Variants in LHX8 observed in about 807,000 individuals in gnomAD.
LHX8 encodes the protein LIM/homeobox protein Lhx8.
In LHX8, 12 loss-of-function variants were observed where a neutral mutation model predicts 40.3. That is an observed-to-expected ratio of 0.30 (90% CI 0.19 to 0.48). LHX8 has a LOEUF of 0.48. Ranked by LOEUF, LHX8 falls within the 20% of genes least tolerant of loss-of-function variation. The pLI, the probability that LHX8 is intolerant of heterozygous loss-of-function variation, is 0.99. For synonymous variants in LHX8, 179 were observed against 162.0 expected (o/e 1.10, Z -0.80); for missense variants, 344 against 433.7 (o/e 0.79, Z 1.84).
At chr1:75,177,283 A>T in the LHX8 span, among the ~76,000 whole-genome samples, 1 of 152,030 alleles carries the variant, frequency 6.6e-6, no homozygotes, top group Non-Finnish European at 1.5e-5. Flanking sequence ...CATTTTCACG[A>T]TATTGATTCT....
chr1:75,140,851 A>G (rs150414579), intron 3 of LHX8, 134 bp from the exon 4 acceptor site: 1 of 864,184 alleles, frequency 1.2e-6, no homozygotes, highest in South Asian at 1.5e-5. Context: ...AAAAAAAATG[A>G]CATCTTTTGG....
chr1:75,160,508 G>A lies in LHX8; in HGVS notation c.965-311G>A, dbSNP rs1338514023. 8.2e-6 allele frequency: 3 copies of A among 364,176 alleles called. No homozygotes were observed. The East Asian group carries it at 1.7e-4, about 21-fold the overall frequency. 22.6% of individuals were successfully genotyped at this position (364,176 alleles called of 1,614,324 possible). A position where few individuals can be genotyped will look rare whatever the true frequency, so the allele number is the denominator to read the frequency against. On this transcript the variant is annotated intron_variant, in intron 8 of 8. Transcript: ENST00000356261. ...AAACACCTTCATGAGAAAGCTAGCAGCAGCATCTCTGAAGAGGAACCCATG... is the reference window on the plus strand; with the variant it reads ...AAACACCTTCATGAGAAAGCTAGCAACAGCATCTCTGAAGAGGAACCCATG...
chr1:75,171,521 C>T, the LHX8 span, among the ~76,000 whole-genome samples: 4 of 151,986 alleles, frequency 2.6e-5, no homozygotes, highest in African/African-American at 9.7e-5. Flanking sequence ...CCAATATACT[C>T]GGTGTTGCAG....
chr1:75,185,622 T>C, the LHX8 span, among the ~76,000 whole-genome samples: 1 of 152,178 alleles, frequency 6.6e-6, no homozygotes, highest in African/African-American at 2.4e-5. Context: ...GTATTCCTCT[T>C]GAAAACCAGT....
At chr1:75,197,686 T>A in the LHX8 span, among the ~76,000 whole-genome samples, 1 of 152,204 alleles carries the variant, frequency 6.6e-6, no homozygotes, top group South Asian at 2.1e-4. Flanking sequence ...AGCCATCTTG[T>A]TCTGTCTCAG....
chr1:75,129,105 T>C (rs374407837), intron 1 of LHX8, among the ~76,000 whole-genome samples: 4 of 152,360 alleles, frequency 2.6e-5, no homozygotes, highest in African/African-American at 7.2e-5. Context: ...AATTCAACAT[T>C]GTGATTTTTT....
the LHX8 span, among the ~76,000 whole-genome samples, chr1:75,171,611 T>A: frequency 6.6e-6 from 1 of 151,986 alleles, no homozygotes; most frequent in African/African-American, 2.4e-5. Context: ...AATAGGCATG[T>A]TCTCTGTGCC....
the LHX8 span, among the ~76,000 whole-genome samples, chr1:75,184,798 A>G: frequency 6.6e-6 from 1 of 151,624 alleles, no homozygotes; most frequent in Non-Finnish European, 1.5e-5. Flanking sequence ...AGACCATTCA[A>G]AAGATGAATA....
chr1:75,143,483 G>A (rs1648375639), intron 5 of LHX8, 145 bp downstream of exon 5: 1 of 641,870 alleles, frequency 1.6e-6, no homozygotes, highest in Admixed American at 2.9e-5. Flanking sequence ...TGTTTGTGAT[G>A]GTCTCTATTT....
At chr1:75,155,504 G>A (rs1648738878) in intron 7 of LHX8, among the ~76,000 whole-genome samples, 1 of 152,196 alleles carries the variant, frequency 6.6e-6, no homozygotes, top group East Asian at 1.9e-4. Flanking sequence ...AAAGTGCTGG[G>A]ATTACAGGAG....
intron 3 of LHX8, among the ~76,000 whole-genome samples, chr1:75,140,548 CA>C (rs1219952700): frequency 1.3e-5 from 2 of 151,762 alleles, no homozygotes; most frequent in African/African-American, 4.8e-5. Context: ...ATTGTTTAGC[CA>C]AAAAATAGGT....
intron 7 of LHX8, among the ~76,000 whole-genome samples, chr1:75,155,230 C>CTTTTTTTTTTTT: frequency 1.1e-5 from 1 of 94,366 alleles, no homozygotes; most frequent in Non-Finnish European, 2.0e-5. Flanking sequence ...GAAACACTCT[C>CTTTTTTTTTTTT]TTTTTTTTTT....
At chr1:75,134,209 T>C (rs1454427618), upstream of LHX8, among the ~76,000 whole-genome samples, 1 of 152,098 alleles carries the variant, frequency 6.6e-6, no homozygotes, top group Non-Finnish European at 1.5e-5. Context: ...CTGAAGTCAG[T>C]TGGCGTGTTC....
chr1:75,190,692 A>G, the LHX8 span, among the ~76,000 whole-genome samples: 1 of 152,208 alleles, frequency 6.6e-6, no homozygotes, highest in Non-Finnish European at 1.5e-5. Context: ...AATTAATTGT[A>G]TTAAACCATG....
intron 7 of LHX8, among the ~76,000 whole-genome samples, chr1:75,155,383 C>T (rs1043421383): frequency 1.6e-3 from 238 of 151,936 alleles, no homozygotes; most frequent in African/African-American, 4.9e-3. Context: ...TACAGGCACC[C>T]GCCACCATGC....
chr1:75,135,207 C>G (rs527558535), intron 1 of LHX8, among the ~76,000 whole-genome samples: 1 of 152,206 alleles, frequency 6.6e-6, no homozygotes, highest in Non-Finnish European at 1.5e-5. Flanking sequence ...AAACGAGTCA[C>G]GCGGTTTGTC....
the LHX8 span, among the ~76,000 whole-genome samples, chr1:75,181,804 G>A: frequency 0.11 from 17,419 of 152,106 alleles, 1,631 homozygotes; most frequent in African/African-American, 0.25. Context: ...GCTGCAGACC[G>A]GAGCTGTTCC....
At chr1:75,145,020 A>T (rs1648423301) in intron 6 of LHX8, among the ~76,000 whole-genome samples, 1 of 152,182 alleles carries the variant, frequency 6.6e-6, no homozygotes, top group South Asian at 2.1e-4. Context: ...GCACTCTAGC[A>T]TTAAAATCTA....
the LHX8 span, among the ~76,000 whole-genome samples, chr1:75,166,602 C>A: frequency 1.3e-5 from 2 of 152,152 alleles, no homozygotes; most frequent in Non-Finnish European, 2.9e-5. Context: ...TGGTTCTGAA[C>A]CACAAATTTC....
Sources: gnomAD v4.1 joint callset for allele counts (sites outside exome capture counted in the v4.1 genomes callset) on GRCh38, gnomAD v4.1.1 for gene constraint, MANE v1.5 for transcripts, NCBI Gene and HGNC (gene_info 2026-07-23, HGNC 2026-07-21) for gene names.